BCL11B: variants seen among roughly 807,000 people sequenced by gnomAD.
BCL11B encodes B-cell lymphoma/leukemia 11B.
In BCL11B, 8 loss-of-function variants were observed where a neutral mutation model predicts 49.9. That is an observed-to-expected ratio of 0.16 (90% CI 0.09 to 0.29). BCL11B has a LOEUF of 0.29. BCL11B is among the 10% of genes least tolerant of loss of function. BCL11B has a pLI of 1.00. For synonymous variants in BCL11B, 739 were observed against 637.4 expected, an observed-to-expected ratio of 1.16 and a Z score of -2.40; for missense variants, 1,006 against 1,351.0, an observed-to-expected ratio of 0.74 and a Z score of 4.00.
chr14:99,204,767 T>C (rs547003272), intron 3 of BCL11B, among the ~76,000 whole-genome samples: 6 of 152,320 alleles, frequency 3.9e-5, no homozygotes, highest in Admixed American at 3.3e-4. Flanking sequence ...AAAAAGAATG[T>C]TCTAGACAAA....
intron 3 of BCL11B, among the ~76,000 whole-genome samples, chr14:99,223,947 A>C (rs1421323245): frequency 6.6e-6 from 1 of 152,156 alleles, no homozygotes; most frequent in Admixed American, 6.5e-5. Context: ...GAAAGGCGCC[A>C]TGGGGACATG....
In BCL11B at chr14:99,175,396, C is replaced by T. The variant is rs779064817; in HGVS notation, c.1440G>A (p.Lys480=). ...CGGAGCGGCCGGCCAGCGAGCCGGCCTTGTGCATGTGCGTCTTCATGTGGC... is the reference window on the plus strand; with the variant it reads ...CGGAGCGGCCGGCCAGCGAGCCGGCTTTGTGCATGTGCGTCTTCATGTGGC... ...LKRHMKTHMH[K]AGSLAGRSDD... The change falls in exon 4 of 4, where the codon AAG becomes AAA. Residue 480 remains lysine, a synonymous_variant. Transcript: ENST00000357195. The T allele has an allele frequency of 7.5e-6, 12 of 1,604,652 alleles. 1 individual carries two copies. In the South Asian group the frequency reaches 1.3e-4, roughly 18 times the overall value.
rs1886434087 is a variant in BCL11B, at chr14:99,174,933, C to T, written c.1903G>A (p.Asp635Asn). ...CCGCAGCCGCCCGCGTCGTCGTCGT[C>T]GCCCGCGTCCCCGCCGCCCGCCGCA... ...KRAAGGGDAGDDDDAGGCGDA... is the reference protein window; with the variant it reads ...KRAAGGGDAGNDDDAGGCGDA... The change falls in exon 4 of 4, where the codon GAC becomes AAC. Residue 635 changes from aspartate to asparagine, a missense_variant. Transcript: ENST00000357195. The T allele has an allele frequency of 3.7e-6, 5 of 1,337,266 alleles. No individual in the cohort carries two copies. The highest frequency in any genetic ancestry group is 2.9e-6 in the Non-Finnish European group (3 of 1,040,420). The allele number at this position is 1,337,266 out of a possible 1,614,324, so 82.8% of individuals were successfully genotyped here.
rs761621086 is a variant in BCL11B, at chr14:99,192,472, A to G, written c.641-16277T>C. ...CTCTCGTTAGAAGGCAGAAAATAAAACAATGCCGGCACGTTCTGGAGACCA... is the reference window on the plus strand; with the variant it reads ...CTCTCGTTAGAAGGCAGAAAATAAAGCAATGCCGGCACGTTCTGGAGACCA... On this transcript the variant is annotated intron_variant, in intron 3 of 3. Transcript: ENST00000357195. The surrounding 1 kb of genome is among the most constrained non-coding windows in gnomAD (Gnocchi z 4.0). 2.0e-5 allele frequency among the ~76,000 whole-genome samples: 3 copies of G among 152,162 alleles called. No homozygotes were observed. Among genetic ancestry groups the G allele is most frequent in the Non-Finnish European group, 2.9e-5 (2 of 68,036 alleles).
At chr14:99,226,814 A>G (rs1888175214) in intron 3 of BCL11B, among the ~76,000 whole-genome samples, 1 of 152,240 alleles carries the variant, frequency 6.6e-6, no homozygotes, top group Admixed American at 6.5e-5. Flanking sequence ...ATTTACTTAC[A>G]GGTATTCTTT....
chr14:99,202,017 G>A (rs1012373339), intron 3 of BCL11B, among the ~76,000 whole-genome samples: 4 of 152,158 alleles, frequency 2.6e-5, no homozygotes, highest in African/African-American at 9.7e-5. Flanking sequence ...AGTTCACTCT[G>A]TTGCCCAGGC....
intron 1 of BCL11B, among the ~76,000 whole-genome samples, chr14:99,268,051 G>T (rs1206491213): frequency 6.6e-6 from 1 of 151,942 alleles, no homozygotes; most frequent in Non-Finnish European, 1.5e-5. Flanking sequence ...CGGCACGATT[G>T]CCACTGTGTT....
At position 99,200,108 on chromosome 14, in the gene BCL11B, CT is replaced by C. The variant is rs200318406; in HGVS notation, c.641-23914del. On this transcript the variant is annotated intron_variant, in intron 3 of 3. Transcript: ENST00000357195. ...TTCCACCACAGACAGGGACTCTCGT[CT>C]TTTTTTTTTTTAAACAGTCTTATTG... Among the ~76,000 whole-genome samples the C allele has an allele frequency of 4.5e-3, 658 of 146,362 alleles. 21 individuals are homozygous for C. The East Asian group carries it at 0.091, about 20-fold the overall frequency.
intron 3 of BCL11B, among the ~76,000 whole-genome samples, chr14:99,224,444 C>T (rs1257302938): frequency 6.6e-6 from 1 of 152,128 alleles, no homozygotes; most frequent in Non-Finnish European, 1.5e-5. Context: ...AGTGGCAAGC[C>T]CCAGGAACAC....
rs1162032291 is a variant in BCL11B at position 99,228,024 on chromosome 14, T to C, written c.640+3321A>G. On this transcript the variant is annotated intron_variant, in intron 3 of 3. Transcript: ENST00000357195. This position sits in a 1 kb window ranked among gnomAD's most constrained non-coding sequence, Gnocchi z 4.8. ...GGGTGTGCACAAACACACATACCTGTGTGGTTTTCTCCCCCCGTAAAATCA... is the reference window on the plus strand; with the variant it reads ...GGGTGTGCACAAACACACATACCTGCGTGGTTTTCTCCCCCCGTAAAATCA... Among the ~76,000 whole-genome samples, 1 of 152,140 alleles carries C rather than the reference T, an allele frequency of 6.6e-6. No homozygotes were observed. Among genetic ancestry groups the C allele is most frequent in the Non-Finnish European group, 1.5e-5 (1 of 68,032 alleles).
intron 3 of BCL11B, among the ~76,000 whole-genome samples, chr14:99,179,885 G>C (rs1886651038): frequency 6.6e-6 from 1 of 152,142 alleles, no homozygotes; most frequent in African/African-American, 2.4e-5. Flanking sequence ...CATGAGGCTT[G>C]CTCACTTTCA....
chr14:99,180,252 C>T (rs1022447999), intron 3 of BCL11B, among the ~76,000 whole-genome samples: 2 of 152,242 alleles, frequency 1.3e-5, no homozygotes, highest in South Asian at 4.1e-4. Context: ...ATTTACCCAG[C>T]AACATCAAAC....
rs1456547220 is a variant in BCL11B, at chr14:99,192,717, T to G, written c.641-16522A>C. On this transcript the variant is annotated intron_variant, in intron 3 of 3. Transcript: ENST00000357195. The surrounding 1 kb of genome is among the most constrained non-coding windows in gnomAD (Gnocchi z 4.0). ...CTAGCCTTGGCTGAACATGAATGAG[T>G]GAGCTCAACTCTGAGCTCCAAGTTC... Among the ~76,000 whole-genome samples the G allele has an allele frequency of 2.0e-5, 3 of 152,160 alleles. No individual in the cohort carries two copies. Among genetic ancestry groups the G allele is most frequent in the Non-Finnish European group, 1.5e-5 (1 of 68,024 alleles).
intron 3 of BCL11B, among the ~76,000 whole-genome samples, chr14:99,190,219 TG>T (rs11286561): frequency 0.58 from 88,899 of 152,152 alleles, 27,146 homozygotes; most frequent in Non-Finnish European, 0.68. Context: ...CCAGGCGCGG[TG>T]GCTCACGCCT....
At chr14:99,206,336 GT>G (rs1887532868) in intron 3 of BCL11B, among the ~76,000 whole-genome samples, 1 of 152,202 alleles carries the variant, frequency 6.6e-6, no homozygotes, top group African/African-American at 2.4e-5. Flanking sequence ...GAATACAGTA[GT>G]TCCCTGTTAC....
chr14:99,199,683 TGCGCGCGCGCGC>T (rs1555378683), intron 3 of BCL11B, among the ~76,000 whole-genome samples: 1 of 73,644 alleles, frequency 1.4e-5, no homozygotes, highest in Non-Finnish European at 4.1e-5. Context: ...TGTGTGTGTG[TGCGCGCGCGCGC>T]GCACGTGCAC....
Position 99,169,633 on chromosome 14 carries a change from A to C in BCL11B, c.*4518T>G. The C allele has an allele frequency of 4.7e-6, 1 of 212,500 alleles. No individual in the cohort carries two copies. The allele number at this position is 212,500 out of a possible 1,614,324, so 13.2% of individuals were successfully genotyped here. On this transcript the variant is annotated 3_prime_UTR_variant, in exon 4 of 4. Transcript: ENST00000357195. ...AACAAAAGCTCATACAATAAGTAAT[A>C]GAAAAGGTAATAAAAATATTTTGCC...
chr14:99,237,905 G>A (rs1888551411), intron 2 of BCL11B, among the ~76,000 whole-genome samples: 2 of 152,174 alleles, frequency 1.3e-5, no homozygotes, highest in Non-Finnish European at 2.9e-5. Flanking sequence ...AATGGATCCA[G>A]AGAGGGTCAC....
chr14:99,181,535 A>G (rs1886702257), intron 3 of BCL11B, among the ~76,000 whole-genome samples: 1 of 152,206 alleles, frequency 6.6e-6, no homozygotes, highest in Admixed American at 6.5e-5. Flanking sequence ...ATTTATCGTC[A>G]GGGCCTGTTT....
Sources: allele counts gnomAD v4.1 joint callset (sites outside exome capture counted in the v4.1 genomes callset), GRCh38; gene constraint gnomAD v4.1.1; non-coding constraint Gnocchi (gnomAD v3.1); transcripts MANE v1.5; gene names NCBI Gene and HGNC (gene_info 2026-07-23, HGNC 2026-07-21).